Variants in EGLN3 observed in about 807,000 individuals in gnomAD.
EGLN3 encodes prolyl hydroxylase EGLN3.
EGLN3 carries 15 observed loss-of-function variants against 26.0 expected under a neutral mutation model. The observed-to-expected ratio is 0.58, with a 90% confidence interval of 0.39 to 0.89. The LOEUF is 0.89. EGLN3 is among the 40% of genes least tolerant of loss of function. The probability of loss-of-function intolerance (pLI) is 0.00; values close to 1 mark genes in which losing one functional copy is unlikely to be tolerated. For missense variants in EGLN3, 238 were observed against 311.6 expected (o/e 0.76, Z 1.78); for synonymous variants, 147 against 127.2 (o/e 1.16, Z -1.05).
chr14:33,936,028 C>T (rs892005765), intron 1 of EGLN3, among the ~76,000 whole-genome samples: 1 of 151,992 alleles, frequency 6.6e-6, no homozygotes, highest in African/African-American at 2.4e-5. Context: ...GTCAGGAGTT[C>T]AAGACCAGCC....
intron 1 of EGLN3, among the ~76,000 whole-genome samples, chr14:33,945,218 A>G (rs945039629): frequency 4.6e-5 from 7 of 152,216 alleles, no homozygotes; most frequent in African/African-American, 1.7e-4. Flanking sequence ...AGTGTTCCAG[A>G]GCTTCAAACT....
At chr14:33,941,051 C>T (rs2064479557) in intron 1 of EGLN3, among the ~76,000 whole-genome samples, 1 of 152,110 alleles carries the variant, frequency 6.6e-6, no homozygotes, top group African/African-American at 2.4e-5. Flanking sequence ...TCCTTATAAT[C>T]CTAGAAGTAG....
intron 1 of EGLN3, among the ~76,000 whole-genome samples, chr14:33,938,097 A>C (rs993786774): frequency 3.9e-5 from 6 of 152,212 alleles, no homozygotes; most frequent in Non-Finnish European, 8.8e-5. Context: ...AGATTCTTAC[A>C]TTAAAAGGAT....
chr14:33,943,502 G>A (rs965822723), intron 1 of EGLN3, among the ~76,000 whole-genome samples: 14 of 152,324 alleles, frequency 9.2e-5, no homozygotes, highest in South Asian at 2.1e-4. Context: ...GTCTGTTGCC[G>A]TAATAATTAA....
Position 33,927,436 on chromosome 14 carries a change from G to A in EGLN3, c.615-403C>T, listed in dbSNP as rs2064370389. ...GGCCTCCCAAAGTGCTGGGATTGCA[G>A]GTGTGAGCCACCATGCCCGGCCTGT... On this transcript the variant is annotated intron_variant, in intron 3 of 4. Coordinates refer to ENST00000250457, the MANE Select transcript of EGLN3 (RefSeq NM_022073.4). Among the ~76,000 whole-genome samples, 2 of 152,132 alleles carry A rather than the reference G, an allele frequency of 1.3e-5. 1 individual carries two copies. Among genetic ancestry groups the A allele is most frequent in the African/African-American group, 4.8e-5 (2 of 41,422 alleles).
chr14:33,932,193 T>C (rs893794997), intron 1 of EGLN3, among the ~76,000 whole-genome samples: 1 of 152,214 alleles, frequency 6.6e-6, no homozygotes, highest in Non-Finnish European at 1.5e-5. Flanking sequence ...CCTGTTCTAC[T>C]CACTGATGTA....
intron 1 of EGLN3, among the ~76,000 whole-genome samples, chr14:33,946,396 A>AAAT (rs1381754531): frequency 6.6e-6 from 1 of 152,018 alleles, no homozygotes; most frequent in Non-Finnish European, 1.5e-5. Flanking sequence ...ATAAATAAAT[A>AAAT]AAACAGTAGG....
intron 2 of EGLN3, among the ~76,000 whole-genome samples, chr14:33,930,557 T>C (rs966257903): frequency 6.6e-6 from 1 of 152,194 alleles, no homozygotes; most frequent in Non-Finnish European, 1.5e-5. Flanking sequence ...CATCTATCTA[T>C]AAGTTCTATA....
In EGLN3 at chr14:33,925,702, G is replaced by C. The variant is rs1594372968; in HGVS notation, c.*189C>G. ...CAAGTAACTTCATCTGGCAAAGAGA[G>C]TATCTGAAGATCAACACAGTCTTGG... is the stretch of plus-strand genomic sequence containing the variant. On this transcript the variant is annotated 3_prime_UTR_variant, in exon 5 of 5. Coordinates refer to ENST00000250457, the MANE Select transcript of EGLN3 (RefSeq NM_022073.4). 1 of 640,442 alleles carries C rather than the reference G, an allele frequency of 1.6e-6. No individual in the cohort carries two copies. The highest frequency in any genetic ancestry group is 2.7e-6 in the Non-Finnish European group (1 of 372,722). The allele number at this position is 640,442 out of a possible 1,614,324, so 39.7% of individuals were successfully genotyped here. A position where few individuals can be genotyped will look rare whatever the true frequency, so the allele number is the denominator to read the frequency against.
chr14:33,929,270 C>T, intron 2 of EGLN3, 58 bp from the exon 3 acceptor site: 1 of 1,589,866 alleles, frequency 6.3e-7, no homozygotes, highest in Middle Eastern at 1.7e-4. Flanking sequence ...TATCAACAAC[C>T]ATATTTCAGC....
intron 1 of EGLN3, among the ~76,000 whole-genome samples, chr14:33,934,889 A>G (rs1192061445): frequency 6.6e-6 from 1 of 152,232 alleles, no homozygotes; most frequent in African/African-American, 2.4e-5. Flanking sequence ...AAAATTTCCA[A>G]TAAATGAAAA....
At chr14:33,932,463 G>T (rs1428549494) in intron 1 of EGLN3, among the ~76,000 whole-genome samples, 1 of 152,140 alleles carries the variant, frequency 6.6e-6, no homozygotes, top group African/African-American at 2.4e-5. Flanking sequence ...TAATGGGCTA[G>T]TGGTTCAATG....
intron 1 of EGLN3, among the ~76,000 whole-genome samples, chr14:33,947,107 G>C (rs890909572): frequency 6.6e-6 from 1 of 152,224 alleles, no homozygotes; most frequent in African/African-American, 2.4e-5. Context: ...GTTTGAAGCA[G>C]AGGGACTTTT....
chr14:33,938,667 G>A (rs2064459203), intron 1 of EGLN3, among the ~76,000 whole-genome samples: 1 of 152,256 alleles, frequency 6.6e-6, no homozygotes, highest in Non-Finnish European at 1.5e-5. Context: ...GTCCAGCCCA[G>A]GGATAAGGAC....
intron 1 of EGLN3, chr14:33,949,762 GA>G: frequency 6.5e-6 from 1 of 154,256 alleles, no homozygotes; most frequent in Non-Finnish European, 1.4e-5. Context: ...TCATAGTTAG[GA>G]AAAGGAAGGT....
chr14:33,950,138 T>C (rs2064546619), intron 1 of EGLN3: 1 of 594,794 alleles, frequency 1.7e-6, no homozygotes, highest in Non-Finnish European at 3.0e-6. Context: ...TGTCTGGCTT[T>C]TGTCACCCAC....
Position 33,924,680 on chromosome 14 carries a change from C to T in EGLN3, c.*1211G>A, listed in dbSNP as rs925140662. 5.3e-5 allele frequency: 8 copies of T among 151,914 alleles called. No homozygotes were observed. The highest frequency in any genetic ancestry group is 7.4e-5 in the Non-Finnish European group (5 of 68,000). The allele number at this position is 151,914 out of a possible 1,614,324, so 9.4% of individuals were successfully genotyped here. A position where few individuals can be genotyped will look rare whatever the true frequency, so the allele number is the denominator to read the frequency against. ...TAGGAAAAGTAGCTTTTGCAAAATA[C>T]GTGCTCAATACCAAGTTATTGAGGC... is the stretch of plus-strand genomic sequence containing the variant. On this transcript the variant is annotated 3_prime_UTR_variant, in exon 5 of 5. Coordinates refer to ENST00000250457, the MANE Select transcript of EGLN3 (RefSeq NM_022073.4).
intron 1 of EGLN3, chr14:33,949,228 C>T (rs1417101654): frequency 1.3e-5 from 2 of 152,350 alleles, no homozygotes; most frequent in African/African-American, 4.8e-5. Context: ...CACTCCCACA[C>T]GTTTCCAATC....
At chr14:33,930,510 T>C (rs1486108440) in intron 2 of EGLN3, among the ~76,000 whole-genome samples, 1 of 152,216 alleles carries the variant, frequency 6.6e-6, no homozygotes, top group African/African-American at 2.4e-5. Flanking sequence ...AGAGTCCAGA[T>C]GAATGTCTGT....
Sources: allele counts gnomAD v4.1 joint callset (sites outside exome capture counted in the v4.1 genomes callset), GRCh38; gene constraint gnomAD v4.1.1; transcripts MANE v1.5; gene names NCBI Gene and HGNC (gene_info 2026-07-23, HGNC 2026-07-21).